The following CACNA1E variants were observed in gnomAD, a reference collection of about 807,000 sequenced individuals.
CACNA1E encodes calcium voltage-gated channel subunit alpha1 E.
CACNA1E carries 40 observed loss-of-function variants against 259.2 expected under a neutral mutation model. That is an observed-to-expected ratio of 0.15 (90% CI 0.12 to 0.20). The LOEUF (loss-of-function observed/expected upper bound fraction) is 0.20. CACNA1E is among the 10% of genes least tolerant of loss of function. The pLI is 1.00. For synonymous variants in CACNA1E, 1,104 were observed against 1,138.5 expected, an observed-to-expected ratio of 0.97 and a Z score of 0.61; for missense variants, 1,874 against 3,040.1, an observed-to-expected ratio of 0.62 and a Z score of 9.02.
intron 43 of CACNA1E, among the ~76,000 whole-genome samples, chr1:181,786,669 T>C (rs896341428): frequency 6.6e-6 from 1 of 152,238 alleles, no homozygotes; most frequent in Non-Finnish European, 1.5e-5. Flanking sequence ...AGTGCATACC[T>C]AAAGAACACA....
At chr1:181,394,285 A>T (rs954354228) in intron 1 of CACNA1E, among the ~76,000 whole-genome samples, 13 of 152,220 alleles carry the variant, frequency 8.5e-5, no homozygotes, top group Admixed American at 8.5e-4. Context: ...TTTAAATAAG[A>T]TAGCATATTT....
At chr1:181,712,526 T>C (rs921901144) in intron 8 of CACNA1E, among the ~76,000 whole-genome samples, 11 of 152,200 alleles carry the variant, frequency 7.2e-5, no homozygotes, top group Admixed American at 6.5e-4. Context: ...CAGTCAACTT[T>C]TGGTGACCTC....
chr1:181,511,650 C>T lies in CACNA1E; in HGVS notation c.512+140C>T, dbSNP rs547090098. 6.2e-5 allele frequency: 60 copies of T among 965,230 alleles called. No individual in the cohort carries two copies. In the African/African-American group the frequency reaches 8.8e-4, roughly 14 times the overall value. 59.8% of individuals were successfully genotyped at this position (965,230 alleles called of 1,614,324 possible). A position where few individuals can be genotyped will look rare whatever the true frequency, so the allele number is the denominator to read the frequency against. ...GAAGAAAAAGTTCAAGGCTAAGATT[C>T]CCCAGGGTGCTGGACCATAGGTCAG... On this transcript the variant is annotated intron_variant, in intron 3 of 47. Transcript: ENST00000367573.
chr1:181,760,533 T>C (rs1658493064), intron 32 of CACNA1E, among the ~76,000 whole-genome samples: 1 of 152,090 alleles, frequency 6.6e-6, no homozygotes, highest in Admixed American at 6.5e-5. Flanking sequence ...GGCAATAGAA[T>C]TGCAAGGCTA....
chr1:181,726,921 T>A (rs1485532786), intron 18 of CACNA1E, among the ~76,000 whole-genome samples: 1 of 152,074 alleles, frequency 6.6e-6, no homozygotes, highest in East Asian at 1.9e-4. Context: ...ATGGATTAAA[T>A]GTGGCAGGGG....
chr1:181,682,263 C>T (rs954129523), intron 7 of CACNA1E, among the ~76,000 whole-genome samples: 10 of 152,198 alleles, frequency 6.6e-5, no homozygotes, highest in Admixed American at 6.5e-4. Flanking sequence ...TTCTTAGCTT[C>T]CTTCCAAAGA....
At chr1:181,366,785 C>T (rs190202448) in intron 1 of CACNA1E, among the ~76,000 whole-genome samples, 79 of 152,308 alleles carry the variant, frequency 5.2e-4, no homozygotes, top group African/African-American at 1.8e-3. Context: ...TATTGGGTAA[C>T]TGAAGAGTGA....
At chr1:181,402,384 TC>T (rs1657162789) in intron 1 of CACNA1E, among the ~76,000 whole-genome samples, 1 of 152,106 alleles carries the variant, frequency 6.6e-6, no homozygotes, top group South Asian at 2.1e-4. Flanking sequence ...GTCCCAAGAC[TC>T]ATTTTTCCCA....
At chr1:181,553,502 C>G (rs1055110377) in intron 3 of CACNA1E, among the ~76,000 whole-genome samples, 1 of 152,182 alleles carries the variant, frequency 6.6e-6, no homozygotes, top group Non-Finnish European at 1.5e-5. Context: ...ATTTCTTTCT[C>G]TTGCCTGATT....
At chr1:181,405,809 C>T (rs1471928708) in intron 1 of CACNA1E, among the ~76,000 whole-genome samples, 2 of 152,176 alleles carry the variant, frequency 1.3e-5, no homozygotes, top group Non-Finnish European at 2.9e-5. Context: ...GCCTGTAAGC[C>T]TCATGCAAAA....
chr1:181,622,548 T>C (rs1228117547), intron 6 of CACNA1E, among the ~76,000 whole-genome samples: 1 of 152,210 alleles, frequency 6.6e-6, no homozygotes, highest in African/African-American at 2.4e-5. Context: ...GTTCTTTTTC[T>C]GTGTGCATGC....
intron 1 of CACNA1E, among the ~76,000 whole-genome samples, chr1:181,395,135 A>C (rs761088041): frequency 6.6e-6 from 1 of 152,138 alleles, no homozygotes; most frequent in Non-Finnish European, 1.5e-5. Flanking sequence ...TCCAGATGAG[A>C]GATGATGGTG....
intron 2 of CACNA1E, among the ~76,000 whole-genome samples, chr1:181,434,828 C>A (rs184045577): frequency 2.2e-3 from 336 of 152,288 alleles, no homozygotes; most frequent in Non-Finnish European, 4.2e-3. Flanking sequence ...GTGAGACATG[C>A]ACTGGAGGCT....
chr1:181,455,313 C>T lies in CACNA1E; in HGVS notation c.435-28431C>T, dbSNP rs991783741. On this transcript the variant is annotated intron_variant, in intron 2 of 11. Transcript: ENST00000524607. The stretch of plus-strand genomic sequence containing the variant: ...AGCAATTTTTGAGGAGTGGAGTGCT[C>T]AGGGAGAGCTCCAAGGACAAGGACA... Among the ~76,000 whole-genome samples the T allele has an allele frequency of 7.2e-5, 11 of 152,116 alleles. No homozygotes were observed. In the East Asian group the frequency reaches 1.9e-3, roughly 27 times the overall value.
At chr1:181,471,743 AG>A (rs1662526350) in intron 2 of CACNA1E, among the ~76,000 whole-genome samples, 1 of 152,172 alleles carries the variant, frequency 6.6e-6, no homozygotes. Flanking sequence ...TTTGGAAATA[AG>A]TTTGTTTTTT....
intron 7 of CACNA1E, among the ~76,000 whole-genome samples, chr1:181,687,211 G>A (rs1278695389): frequency 6.6e-6 from 1 of 152,128 alleles, no homozygotes; most frequent in Non-Finnish European, 1.5e-5. Flanking sequence ...TGAGCAAGGG[G>A]AATAACAGCA....
At chr1:181,755,199 C>A in intron 27 of CACNA1E, 38 bp from the exon 28 acceptor site, 1 of 1,586,318 alleles carries the variant, frequency 6.3e-7, no homozygotes, top group Non-Finnish European at 8.6e-7. Flanking sequence ...CAGACCATCA[C>A]AGGGTTCACA....
chr1:181,772,010 A>G, intron 36 of CACNA1E, 56 bp from the exon 37 acceptor site: 14 of 1,536,292 alleles, frequency 9.1e-6, no homozygotes, highest in Non-Finnish European at 1.3e-5. Context: ...GAGGACCAAG[A>G]ATATGATAGG....
At position 181,717,130 on chromosome 1, in the gene CACNA1E, G is replaced by A. The variant is rs1041984686; in HGVS notation, c.1353G>A (p.Lys451=). The change falls in exon 11 of 48, where the codon AAG becomes AAA. Residue 451 remains lysine (K), a synonymous_variant. Coordinates refer to ENST00000367573, the MANE Select transcript of CACNA1E (RefSeq NM_001205293.3). The part of the protein sequence containing the change: ...PLARASIKSA[K]VDGVSYFRHK... The stretch of plus-strand genomic sequence containing the variant: ...CCCGAGCCAGTATCAAAAGTGCAAA[G>A]GTAGACGGGGTCTCTTATTTCCGGC... 1.2e-6 allele frequency: 2 copies of A among 1,614,068 alleles called. No homozygotes were observed. Among genetic ancestry groups the A allele is most frequent in the Non-Finnish European group, 1.7e-6 (2 of 1,179,902 alleles).
Sources: gnomAD v4.1 joint callset for allele counts (sites outside exome capture counted in the v4.1 genomes callset) on GRCh38, gnomAD v4.1.1 for gene constraint, MANE v1.5 for transcripts, NCBI Gene and HGNC (gene_info 2026-07-23, HGNC 2026-07-21) for gene names.